Variants in DPYSL2 observed in about 807,000 individuals in gnomAD.
DPYSL2 encodes the protein dihydropyrimidinase like 2.
A neutral mutation model predicts 69.9 loss-of-function variants in DPYSL2; 13 were observed. The ratio of observed to expected loss-of-function variants is 0.19; its 90% CI spans 0.12 to 0.30. DPYSL2 has a LOEUF of 0.30. Ranked by LOEUF, DPYSL2 falls within the 10% of genes least tolerant of loss-of-function variation. DPYSL2 has a pLI of 1.00. For missense variants in DPYSL2, 587 were observed against 918.9 expected (o/e 0.64, Z 4.67); for synonymous variants, 326 against 359.1 (o/e 0.91, Z 1.04).
intron 3 of DPYSL2, among the ~76,000 whole-genome samples, chr8:26,595,775 C>A (rs565264171): frequency 6.6e-6 from 1 of 152,290 alleles, no homozygotes; most frequent in South Asian, 2.1e-4. Context: ...GCAGAGCTCT[C>A]TTCTCTCCAG....
intron 3 of DPYSL2, among the ~76,000 whole-genome samples, chr8:26,595,901 G>A (rs949122977): frequency 7.9e-5 from 12 of 152,164 alleles, no homozygotes; most frequent in African/African-American, 2.7e-4. Context: ...TGGCAGAGGC[G>A]AGCAGCTTCT....
At position 26,644,551 on chromosome 8, in the gene DPYSL2, T is replaced by C. The variant is rs927024890; in HGVS notation, c.1425+460T>C. On this transcript the variant is annotated intron_variant, in intron 10 of 13. Transcript: ENST00000521913. This position sits in a 1 kb window ranked among gnomAD's most constrained non-coding sequence, Gnocchi z 4.5. ...GTCTCGAGTTCCCGGGTTTAAGCAA[T>C]GCCTCGGCCTCCCAAAGTGCTGGGA... Among the ~76,000 whole-genome samples, 2 of 151,944 alleles carry C rather than the reference T, an allele frequency of 1.3e-5. No homozygotes were observed. Among genetic ancestry groups the C allele is most frequent in the African/African-American group, 2.4e-5 (1 of 41,356 alleles).
chr8:26,640,047 G>A lies in DPYSL2; in HGVS notation c.1127-3392G>A, dbSNP rs1803006249. ...AGCGTGTGTAACTGTCTGTCTGTCT[G>A]TCCATCCCAGTTGGTTTTCACTGTG... is the stretch of plus-strand genomic sequence containing the variant. On this transcript the variant is annotated intron_variant, in intron 8 of 13. Transcript: ENST00000521913. The surrounding 1 kb of genome is among the most constrained non-coding windows in gnomAD (Gnocchi z 4.2). Among the ~76,000 whole-genome samples, 1 of 152,130 alleles carries A rather than the reference G, an allele frequency of 6.6e-6. No individual in the cohort carries two copies. Among genetic ancestry groups the A allele is most frequent in the Non-Finnish European group, 1.5e-5 (1 of 68,028 alleles).
At chr8:26,544,170 A>T (rs577722901) in intron 1 of DPYSL2, among the ~76,000 whole-genome samples, 1 of 152,340 alleles carries the variant, frequency 6.6e-6, no homozygotes, top group Non-Finnish European at 1.5e-5. Context: ...GAAGGACTAG[A>T]TGTTTTAAAT....
chr8:26,526,551 T>C (rs1261281857), intron 1 of DPYSL2, among the ~76,000 whole-genome samples: 2 of 152,262 alleles, frequency 1.3e-5, no homozygotes, highest in Non-Finnish European at 2.9e-5. Context: ...CTCTTCCTTG[T>C]CTGATTACAT....
intron 7 of DPYSL2, among the ~76,000 whole-genome samples, chr8:26,633,247 C>T (rs1010869406): frequency 1.3e-4 from 20 of 152,202 alleles, no homozygotes; most frequent in African/African-American, 4.8e-4. Flanking sequence ...AGTGAGTAAG[C>T]CCCAGTCCCT....
Position 26,650,724 on chromosome 8 carries a change from T to G in DPYSL2, c.1597-1533T>G, listed in dbSNP as rs1286653219. 6.6e-6 allele frequency among the ~76,000 whole-genome samples: 1 copy of G among 152,220 alleles called. No individual in the cohort carries two copies. The highest frequency in any genetic ancestry group is 1.5e-5 in the Non-Finnish European group (1 of 68,036). On this transcript the variant is annotated intron_variant, in intron 11 of 13. Coordinates refer to ENST00000521913, the MANE Select transcript of DPYSL2 (RefSeq NM_001197293.3). This position sits in a 1 kb window ranked among gnomAD's most constrained non-coding sequence, Gnocchi z 5.3. ...TTATGGCATCTCTGGGGAGACCATC[T>G]GCTGTGCAGACAGGGGTGGCAGAAA...
At chr8:26,523,751 C>T (rs1323811785) in intron 1 of DPYSL2, among the ~76,000 whole-genome samples, 2 of 152,104 alleles carry the variant, frequency 1.3e-5, no homozygotes, top group Admixed American at 6.5e-5. Context: ...ACCTCAAACT[C>T]CTGGGCTCAA....
intron 3 of DPYSL2, among the ~76,000 whole-genome samples, chr8:26,601,539 G>A (rs1274963204): frequency 7.9e-5 from 12 of 152,038 alleles, no homozygotes; most frequent in Admixed American, 5.9e-4. Flanking sequence ...CAACATGCCC[G>A]GCTAATTTTT....
chr8:26,584,053 G>A (rs955198553), intron 3 of DPYSL2, 70 bp downstream of exon 3: 105 of 1,479,870 alleles, frequency 7.1e-5, no homozygotes, highest in Non-Finnish European at 8.5e-5. Flanking sequence ...TCTATTGTTT[G>A]ATTCTCTCCT....
chr8:26,636,616 CCT>C, intron 8 of DPYSL2, among the ~76,000 whole-genome samples: 1 of 152,190 alleles, frequency 6.6e-6, no homozygotes, highest in East Asian at 1.9e-4. Flanking sequence ...CAGGCCTCCT[CCT>C]CTCTGTCCCT....
chr8:26,545,580 A>C (rs573461882), intron 1 of DPYSL2, among the ~76,000 whole-genome samples: 1 of 152,294 alleles, frequency 6.6e-6, no homozygotes, highest in East Asian at 1.9e-4. Flanking sequence ...ATCCTGGCCA[A>C]CATGGTGAAA....
At position 26,533,607 on chromosome 8, in the gene DPYSL2, T is replaced by C. The variant is rs1800545005; in HGVS notation, c.354+18928T>C. Among the ~76,000 whole-genome samples the C allele has an allele frequency of 6.6e-6, 1 of 152,218 alleles. No homozygotes were observed. Among genetic ancestry groups the C allele is most frequent in the Non-Finnish European group, 1.5e-5 (1 of 68,032 alleles). On this transcript the variant is annotated intron_variant, in intron 1 of 13. Transcript: ENST00000521913. The surrounding 1 kb of genome is among the most constrained non-coding windows in gnomAD (Gnocchi z 4.8). Reference sequence around the variant, plus strand: ...TGGATGTCCAGTTGTCCCAGCTCCATTTATTGATTAGCAAAAGCATTTTAG... The same window carrying C: ...TGGATGTCCAGTTGTCCCAGCTCCACTTATTGATTAGCAAAAGCATTTTAG...
chr8:26,521,998 A>G (rs553896326), intron 1 of DPYSL2, among the ~76,000 whole-genome samples: 3 of 152,226 alleles, frequency 2.0e-5, no homozygotes, highest in South Asian at 4.1e-4. Flanking sequence ...ATTTTTTTAC[A>G]AGTTTTTGTT....
chr8:26,519,247 T>C, intron 1 of DPYSL2, among the ~76,000 whole-genome samples: 1 of 152,184 alleles, frequency 6.6e-6, no homozygotes, highest in Non-Finnish European at 1.5e-5. Flanking sequence ...GAAGTCAGAA[T>C]TGATTATAGA....
Position 26,522,703 on chromosome 8 carries a change from C to T in DPYSL2, c.354+8024C>T, listed in dbSNP as rs180990894. Among the ~76,000 whole-genome samples, 305 of 152,110 alleles carry T rather than the reference C, an allele frequency of 2.0e-3. 2 individuals are homozygous for T. Among genetic ancestry groups the T allele is most frequent in the African/African-American group, 6.8e-3 (284 of 41,496 alleles). On this transcript the variant is annotated intron_variant, in intron 1 of 13. Transcript: ENST00000521913. ...CATTTTTTTTAGCTGGGTTATTTAT[C>T]ATATTGTTAAATTGTATGAATTCTT...
Position 26,610,297 on chromosome 8 carries a change from T to C in DPYSL2, c.629-13846T>C, listed in dbSNP as rs1448055323. ...GAGAGATGAATTGATTTGTTCCTGA[T>C]ACATTCTGTTGGGATACAGTCCATT... On this transcript the variant is annotated intron_variant, in intron 3 of 13. Transcript: ENST00000521913. The surrounding 1 kb of genome is among the most constrained non-coding windows in gnomAD (Gnocchi z 4.5). 6.6e-6 allele frequency among the ~76,000 whole-genome samples: 1 copy of C among 152,242 alleles called. No homozygotes were observed. Among genetic ancestry groups the C allele is most frequent in the Non-Finnish European group, 1.5e-5 (1 of 68,040 alleles).
chr8:26,554,794 C>T (rs1364499450), intron 1 of DPYSL2, among the ~76,000 whole-genome samples: 2 of 152,010 alleles, frequency 1.3e-5, no homozygotes, highest in Non-Finnish European at 2.9e-5. Context: ...ACCCTAATAC[C>T]AAAACCAGAC....
chr8:26,634,907 G>C lies in DPYSL2; in HGVS notation c.1126+7G>C. 1 of 1,614,112 alleles carries C rather than the reference G, an allele frequency of 6.2e-7. No individual in the cohort carries two copies. Among genetic ancestry groups the C allele is most frequent in the African/African-American group, 1.3e-5 (1 of 75,068 alleles). On this transcript the variant is annotated splice_region_variant and intron_variant, in intron 8 of 13. Coordinates refer to ENST00000521913, the MANE Select transcript of DPYSL2 (RefSeq NM_001197293.3). ...GCCCAGGCACGGAAGAAGGGTGAGT[G>C]CTGTGGCCGGACTGGCTGATGGCAG...
Sources: gnomAD v4.1 joint callset for allele counts (sites outside exome capture counted in the v4.1 genomes callset) on GRCh38, gnomAD v4.1.1 for gene constraint, Gnocchi (gnomAD v3.1) non-coding constraint, MANE v1.5 for transcripts, NCBI Gene and HGNC (gene_info 2026-07-23, HGNC 2026-07-21) for gene names.